CILK1: variants seen among roughly 807,000 people sequenced by gnomAD.
The protein encoded by CILK1 is serine/threonine-protein kinase ICK.
A neutral mutation model predicts 79.2 loss-of-function variants in CILK1; 47 were observed. The ratio of observed to expected loss-of-function variants is 0.59; its 90% CI spans 0.47 to 0.76. The LOEUF is 0.76. Ranked by LOEUF, CILK1 falls within the 30% of genes least tolerant of loss-of-function variation. The probability of loss-of-function intolerance (pLI) is 0.00; values close to 1 mark genes in which losing one functional copy is unlikely to be tolerated. For missense variants in CILK1, 660 were observed against 769.5 expected, an observed-to-expected ratio of 0.86 and a Z score of 1.68; for synonymous variants, 266 against 275.9, an observed-to-expected ratio of 0.96 and a Z score of 0.36.
chr6:53,036,959 A>G (rs1486963422), intron 3 of CILK1, among the ~76,000 whole-genome samples: 2 of 152,228 alleles, frequency 1.3e-5, no homozygotes, highest in Non-Finnish European at 2.9e-5. Context: ...TCTATATAAC[A>G]TCTTCAATAT....
chr6:53,019,387 C>A (rs750512931), intron 5 of CILK1, 28 bp from the exon 6 acceptor site: 11 of 1,613,270 alleles, frequency 6.8e-6, no homozygotes, highest in Non-Finnish European at 7.6e-6. Flanking sequence ...GAGAAGAAAT[C>A]CAAATGCAAG....
intron 1 of CILK1, among the ~76,000 whole-genome samples, chr6:53,055,281 A>C (rs1203338212): frequency 6.6e-6 from 1 of 152,246 alleles, no homozygotes; most frequent in East Asian, 1.9e-4. Context: ...AATGTGTCCT[A>C]ACTTTACAAA....
chr6:53,020,655 G>A lies in CILK1; in HGVS notation c.359-1296C>T, dbSNP rs555330683. On this transcript the variant is annotated intron_variant, in intron 5 of 13. Coordinates refer to ENST00000676107, the MANE Select transcript of CILK1 (RefSeq NM_014920.5). The stretch of plus-strand genomic sequence containing the variant: ...AAAATCCAAATTCAGAAACACTGCT[G>A]GACCCAAGCATTTCAAGTAAGAGAT... Among the ~76,000 whole-genome samples the A allele has an allele frequency of 1.5e-3, 234 of 152,174 alleles. 1 individual carries two copies. The highest frequency in any genetic ancestry group is 4.6e-3 in the African/African-American group (191 of 41,484).
chr6:53,054,182 G>GTCACCTCTT (rs1312374284), intron 1 of CILK1, among the ~76,000 whole-genome samples: 1 of 152,046 alleles, frequency 6.6e-6, no homozygotes, highest in East Asian at 1.9e-4. Flanking sequence ...GAGCTCACAT[G>GTCACCTCTT]TCACCTCTTC....
intron 5 of CILK1, among the ~76,000 whole-genome samples, chr6:53,022,195 T>C (rs780219721): frequency 2.6e-5 from 4 of 152,174 alleles, no homozygotes; most frequent in Non-Finnish European, 5.9e-5. Flanking sequence ...CTAAGATTAA[T>C]TATTGAAGAA....
chr6:53,030,259 C>T (rs571620838), intron 5 of CILK1, among the ~76,000 whole-genome samples: 1 of 152,286 alleles, frequency 6.6e-6, no homozygotes, highest in Admixed American at 6.5e-5. Flanking sequence ...ATGTAATTGG[C>T]CTCCATTGAG....
At chr6:53,043,352 T>C (rs1347674153) in intron 1 of CILK1, among the ~76,000 whole-genome samples, 1 of 151,256 alleles carries the variant, frequency 6.6e-6, no homozygotes, top group African/African-American at 2.4e-5. Context: ...ATAAAATAAA[T>C]AAATAAATCC....
At chr6:53,011,982 AT>A (rs1261112816) in intron 10 of CILK1, 54 bp downstream of exon 10, 1 of 1,613,730 alleles carries the variant, frequency 6.2e-7, no homozygotes, top group African/African-American at 1.3e-5. Context: ...ATATGTACCC[AT>A]AATCTCATGA....
chr6:53,057,539 T>C (rs576991074), intron 1 of CILK1, among the ~76,000 whole-genome samples: 168 of 152,250 alleles, frequency 1.1e-3, no homozygotes, highest in Non-Finnish European at 1.2e-3. Context: ...ATCACACTTA[T>C]AATACTTTAT....
intron 3 of CILK1, among the ~76,000 whole-genome samples, chr6:53,036,030 G>A (rs1411173437): frequency 6.6e-6 from 1 of 152,184 alleles, no homozygotes; most frequent in Non-Finnish European, 1.5e-5. Flanking sequence ...AAGAGTGGGA[G>A]TTGTCTGGTG....
chr6:53,013,897 C>G lies in CILK1; in HGVS notation c.917G>C (p.Gly306Ala), dbSNP rs375312902. 4 of 1,613,896 alleles carry G rather than the reference C, an allele frequency of 2.5e-6. No individual in the cohort carries two copies. In the African/African-American group the frequency reaches 4.0e-5, roughly 16 times the overall value. Residue 306 changes from glycine (G) to alanine (A), a missense_variant, in exon 9 of 14, where the codon GGC (glycine) becomes GCC (alanine). Gly to Ala is a moderately conservative substitution (Grantham distance 60, BLOSUM62 0). Coordinates refer to ENST00000676107, the MANE Select transcript of CILK1 (RefSeq NM_014920.5). ...NLQDSEKPQK[G>A]ILEKAGPPPY... The stretch of plus-strand genomic sequence containing the variant: ...AGGTGGGCCTGCCTTTTCCAGGATG[C>G]CTTTCTGTGGTTTTTCTGAATCCTG...
At chr6:53,054,190 T>C (rs1767685106) in intron 1 of CILK1, among the ~76,000 whole-genome samples, 1 of 152,206 alleles carries the variant, frequency 6.6e-6, no homozygotes, top group South Asian at 2.1e-4. Flanking sequence ...ATGTCACCTC[T>C]TCCAAGCCTC....
chr6:53,051,177 T>C (rs1389714405), intron 1 of CILK1, among the ~76,000 whole-genome samples: 7 of 152,258 alleles, frequency 4.6e-5, no homozygotes, highest in African/African-American at 1.2e-4. Context: ...AGGAAGGCTC[T>C]GGGCCACCAA....
intron 9 of CILK1, among the ~76,000 whole-genome samples, chr6:53,012,469 A>T (rs981938592): frequency 3.9e-5 from 6 of 152,170 alleles, no homozygotes; most frequent in East Asian, 1.9e-4. Flanking sequence ...GGATAAAAAA[A>T]TTTTTAAGAT....
At chr6:53,044,694 T>C (rs1766944135) in intron 1 of CILK1, among the ~76,000 whole-genome samples, 1 of 152,180 alleles carries the variant, frequency 6.6e-6, no homozygotes, top group Non-Finnish European at 1.5e-5. Context: ...TCCAATGAGA[T>C]TGTATCTGGA....
In CILK1 at chr6:53,006,358, A is replaced by G. The variant is rs560351931; in HGVS notation, c.1701T>C (p.Ala567=). 3 of 1,613,598 alleles carry G rather than the reference A, an allele frequency of 1.9e-6. No homozygotes were observed. Among genetic ancestry groups the G allele is most frequent in the Non-Finnish European group, 2.5e-6 (3 of 1,179,614 alleles). ...PSFLKKEIGS[A]MQRVHLAPIP... Reference sequence around the variant, plus strand: ...TAGGTGCTAGGTGTACCCTCTGCATAGCAGAACCGATTTCTTTTTTCAGAA... The same window carrying G: ...TAGGTGCTAGGTGTACCCTCTGCATGGCAGAACCGATTTCTTTTTTCAGAA... Residue 567 remains alanine, a synonymous_variant, in exon 13 of 14, where the codon GCT becomes GCC. Transcript: ENST00000676107.
intron 3 of CILK1, among the ~76,000 whole-genome samples, chr6:53,037,531 AG>A: frequency 6.6e-6 from 1 of 152,266 alleles, no homozygotes; most frequent in African/African-American, 2.4e-5. Flanking sequence ...AACAAGCGCA[AG>A]GGTGTGGGGG....
At chr6:53,032,058 C>G (rs966641883) in intron 4 of CILK1, among the ~76,000 whole-genome samples, 1 of 152,198 alleles carries the variant, frequency 6.6e-6, no homozygotes, top group African/African-American at 2.4e-5. Flanking sequence ...GTCGTGACCT[C>G]CTGACCTCAG....
In CILK1 at chr6:53,060,511, G is replaced by A. The variant is rs367549527; in HGVS notation, c.-173+1085C>T. Among the ~76,000 whole-genome samples, 14 of 152,236 alleles carry A rather than the reference G, an allele frequency of 9.2e-5. No homozygotes were observed. The East Asian group carries it at 1.5e-3, about 17-fold the overall frequency. On this transcript the variant is annotated intron_variant, in intron 1 of 13. Transcript: ENST00000676107. ...CACTTAGAGAATGGGGAATGGTACCGGATGTCATTTTAAATAAAGGATCCC... is the reference window on the plus strand; with the variant it reads ...CACTTAGAGAATGGGGAATGGTACCAGATGTCATTTTAAATAAAGGATCCC...
Sources: gnomAD v4.1 joint callset for allele counts (sites outside exome capture counted in the v4.1 genomes callset) on GRCh38, gnomAD v4.1.1 for gene constraint, MANE v1.5 for transcripts, NCBI Gene and HGNC (gene_info 2026-07-23, HGNC 2026-07-21) for gene names.